SAC3D1: variants seen among roughly 807,000 people sequenced by gnomAD.
SAC3D1 encodes the protein SAC3 domain-containing protein 1.
A neutral mutation model predicts 12.7 loss-of-function variants in SAC3D1; 10 were observed. The ratio of observed to expected loss-of-function variants is 0.79; its 90% CI spans 0.49 to 1.34. SAC3D1 has a LOEUF of 1.34. Among genes scored for constraint, SAC3D1 ranks in the 40% most tolerant of loss-of-function variants. The probability of loss-of-function intolerance (pLI) is 0.00; values close to 1 mark genes in which losing one functional copy is unlikely to be tolerated. For missense variants in SAC3D1, 482 were observed against 531.1 expected (o/e 0.91, Z 0.91); for synonymous variants, 241 against 250.8 (o/e 0.96, Z 0.37).
In SAC3D1 at chr11:65,044,582, G is replaced by T; in HGVS notation, c.932G>T (p.Arg311Met). The T allele has an allele frequency of 1.9e-6, 3 of 1,614,160 alleles. No homozygotes were observed. The African/African-American group carries it at 4.0e-5, about 22-fold the overall frequency. ...GGAGAGGAGAGAGTTGTGTTCCTGA[G>T]GGGTCGCTACGTGGAGGAAGGGCTA... The part of the protein sequence containing the change: ...LDGEERVVFL[R>M]GRYVEEGLPP... Residue 311 changes from arginine (R) to methionine (M), a missense_variant, in exon 2 of 2, where the codon AGG becomes ATG. By Grantham distance (91) the Arg-to-Met change is moderately conservative. Transcript: ENST00000652489. This position sits in a 1 kb window ranked among gnomAD's most constrained non-coding sequence, Gnocchi z 4.0.
At position 65,041,371 on chromosome 11, in the gene SAC3D1, C is replaced by T. The variant is rs1204745161; in HGVS notation, c.79C>T (p.His27Tyr). Residue 27 changes from histidine to tyrosine, a missense_variant, in exon 1 of 2, where the codon CAC (histidine) becomes TAC (tyrosine). Physicochemically the swap from His to Tyr is moderately conservative, Grantham distance 83. Coordinates refer to ENST00000652489, the MANE Select transcript of SAC3D1 (RefSeq NM_013299.4). ...AAERAQRERE[H>Y]RLHRLEVVPG... is the part of the protein sequence containing the mutation. ...CGAGCGCGCCCAGCGCGAAAGGGAG[C>T]ACCGCCTGCACCGCTTGGAGGTGGT... The T allele has an allele frequency of 1.3e-6, 2 of 1,504,600 alleles. No homozygotes were observed. Among genetic ancestry groups the T allele is most frequent in the Non-Finnish European group, 1.8e-6 (2 of 1,133,726 alleles). The allele number at this position is 1,504,600 out of a possible 1,614,324, so 93.2% of individuals were successfully genotyped here. A position where few individuals can be genotyped will look rare whatever the true frequency, so the allele number is the denominator to read the frequency against.
At position 65,044,352 on chromosome 11, in the gene SAC3D1, G is replaced by C. The variant is rs760904929; in HGVS notation, c.702G>C (p.Leu234=). The C allele has an allele frequency of 3.1e-6, 5 of 1,613,332 alleles. No individual in the cohort carries two copies. The African/African-American group carries it at 6.7e-5, about 22-fold the overall frequency. ...GCAATGCTGCCCGCCTGTTCCGTCT[G>C]CTCCAGACCCTGCCCTACCTGCCAA... ...REGNAARLFR[L]LQTLPYLPSC... Residue 234 remains leucine, a synonymous_variant, in exon 2 of 2, where the codon CTG becomes CTC. Coordinates refer to ENST00000652489, the MANE Select transcript of SAC3D1 (RefSeq NM_013299.4). This position sits in a 1 kb window ranked among gnomAD's most constrained non-coding sequence, Gnocchi z 4.0.
At chr11:65,042,004 C>T (rs1455558970) in intron 1 of SAC3D1, 138 bp downstream of exon 1, 24 of 1,160,068 alleles carry the variant, frequency 2.1e-5, no homozygotes, top group Non-Finnish European at 2.6e-5. Flanking sequence ...CACCGAGCCC[C>T]GACGTGGGAC....
chr11:65,041,937 A>G, intron 1 of SAC3D1, 71 bp downstream of exon 1: 4 of 1,293,672 alleles, frequency 3.1e-6, no homozygotes, highest in Non-Finnish European at 3.9e-6. Context: ...AGGTAGGGAA[A>G]GGAAGGATTA....
Position 65,044,422 on chromosome 11 carries a change from C to G in SAC3D1, c.772C>G (p.Leu258Val). 1 of 1,613,826 alleles carries G rather than the reference C, an allele frequency of 6.2e-7. No homozygotes were observed. The highest frequency in any genetic ancestry group is 8.5e-7 in the Non-Finnish European group (1 of 1,180,040). Residue 258 changes from leucine (L) to valine (V), a missense_variant, in exon 2 of 2, where the codon CTG becomes GTG. Leu to Val is a conservative substitution (Grantham distance 32). This residue lies in a region of SAC3D1 where 225 missense variants were observed against 241.1 expected (regional missense o/e 0.93). Coordinates refer to ENST00000652489, the MANE Select transcript of SAC3D1 (RefSeq NM_013299.4). The surrounding 1 kb of genome is among the most constrained non-coding windows in gnomAD (Gnocchi z 4.0). ...TGTGGGCCATGCCCGCCGGGAAGCC[C>G]TGGCCCGCTTCGCTCGTGCCTTTAG... Reference protein sequence around the residue: ...CHVGHARREALARFARAFSTP... With the variant: ...CHVGHARREAVARFARAFSTP...
At position 65,041,712 on chromosome 11, in the gene SAC3D1, C is replaced by T. The variant is rs760135651; in HGVS notation, c.420C>T (p.Leu140=). The T allele has an allele frequency of 6.1e-6, 8 of 1,308,802 alleles. No homozygotes were observed. The highest frequency in any genetic ancestry group is 2.9e-4 in the Middle Eastern group (1 of 3,464). The allele number at this position is 1,308,802 out of a possible 1,614,324, so 81.1% of individuals were successfully genotyped here. Residue 140 remains leucine (L), a synonymous_variant, in exon 1 of 2, where the codon CTC becomes CTT. Coordinates refer to ENST00000652489, the MANE Select transcript of SAC3D1 (RefSeq NM_013299.4). Reference sequence around the variant, plus strand: ...CGCTGCTGACCGTAGTGGCGCGGCTCGGGCCCGACGCGGCGCGGGGACCCG... The same window carrying T: ...CGCTGCTGACCGTAGTGGCGCGGCTTGGGCCCGACGCGGCGCGGGGACCCG... ...LATLLTVVAR[L]GPDAARGPAD... is the part of the protein sequence containing the mutation.
Position 65,041,589 on chromosome 11 carries a change from C to A in SAC3D1, c.297C>A (p.Ser99Arg). Residue 99 changes from serine to arginine, a missense_variant, in exon 1 of 2, where the codon AGC becomes AGA. Around this residue, in one of 3 missense-constraint regions of SAC3D1, gnomAD observed 197 missense variants for 183.2 expected, o/e 1.08. Coordinates refer to ENST00000652489, the MANE Select transcript of SAC3D1 (RefSeq NM_013299.4). ...ACATCGCCCGCGCCGAGGTGGCCAG[C>A]TTCGTGGCAGACCGCTTGCGAGCTG... ...SADIARAEVA[S>R]FVADRLRAVL... The A allele has an allele frequency of 6.8e-7, 1 of 1,475,924 alleles. No individual in the cohort carries two copies. Among genetic ancestry groups the A allele is most frequent in the Non-Finnish European group, 8.9e-7 (1 of 1,119,108 alleles). 91.4% of individuals were successfully genotyped at this position (1,475,924 alleles called of 1,614,324 possible). A position where few individuals can be genotyped will look rare whatever the true frequency, so the allele number is the denominator to read the frequency against.
Position 65,044,225 on chromosome 11 carries a change from G to T in SAC3D1, c.575G>T (p.Gly192Val). ...TCATTCTGGCTTCCCGCTCTCACAGGCTCGGTGGAAGCCCTGCATGAGGTT... is the reference window on the plus strand; with the variant it reads ...TCATTCTGGCTTCCCGCTCTCACAGTCTCGGTGGAAGCCCTGCATGAGGTT... ...FQGLFLLYNL[G>V]SVEALHEVLQ... Residue 192 changes from glycine (G) to valine (V), a missense_variant and splice_region_variant, in exon 2 of 2, where the codon GGC (glycine) becomes GTC (valine). Physicochemically the swap from Gly to Val is moderately radical, Grantham distance 109 (BLOSUM62 -3). Coordinates refer to ENST00000652489, the MANE Select transcript of SAC3D1 (RefSeq NM_013299.4). This position sits in a 1 kb window ranked among gnomAD's most constrained non-coding sequence, Gnocchi z 4.0. The T allele has an allele frequency of 6.2e-7, 1 of 1,611,854 alleles. No individual in the cohort carries two copies. The highest frequency in any genetic ancestry group is 1.1e-5 in the South Asian group (1 of 90,982).
At position 65,041,436 on chromosome 11, in the gene SAC3D1, G is replaced by T; in HGVS notation, c.144G>T (p.Gln48His). The T allele has an allele frequency of 6.7e-7, 1 of 1,503,224 alleles. No individual in the cohort carries two copies. The highest frequency in any genetic ancestry group is 1.2e-5 in the South Asian group (1 of 80,616). The allele number at this position is 1,503,224 out of a possible 1,614,324, so 93.1% of individuals were successfully genotyped here. ...AGGACCCGCCCCGCGCGGATCCGCA[G>T]CGCGCGGTGAAGGAGTACAGCCGAC... ...CRQDPPRADP[Q>H]RAVKEYSRPA... The change falls in exon 1 of 2, where the codon CAG becomes CAT. Residue 48 changes from glutamine to histidine, a missense_variant. By Grantham distance (24) the Gln-to-His change is conservative. Coordinates refer to ENST00000652489, the MANE Select transcript of SAC3D1 (RefSeq NM_013299.4).
chr11:65,043,982 C>T (rs1034783147), intron 1 of SAC3D1, among the ~76,000 whole-genome samples: 1 of 152,194 alleles, frequency 6.6e-6, no homozygotes, highest in Non-Finnish European at 1.5e-5. Flanking sequence ...ATCCGTAAAC[C>T]CTGCCCACTT....
At chr11:65,042,296 C>A (rs1946623106) in intron 1 of SAC3D1, among the ~76,000 whole-genome samples, 2 of 152,040 alleles carry the variant, frequency 1.3e-5, no homozygotes, top group Non-Finnish European at 2.9e-5. Context: ...GGGGTTTCAC[C>A]ATGTTGGTCA....
intron 1 of SAC3D1, among the ~76,000 whole-genome samples, chr11:65,043,615 C>CAAAAAAAAAAAA (rs58109119): frequency 1.8e-5 from 1 of 56,184 alleles, no homozygotes; most frequent in Non-Finnish European, 3.2e-5. Context: ...AAGTCTGTCT[C>CAAAAAAAAAAAA]AAAAAAAAAA....
chr11:65,043,214 A>T, intron 1 of SAC3D1: 1 of 295,474 alleles, frequency 3.4e-6, no homozygotes, highest in Non-Finnish European at 6.9e-6. Flanking sequence ...CAGGGTGGTG[A>T]GGTGACTTGC....
Position 65,041,739 on chromosome 11 carries a change from G to T in SAC3D1, c.447G>T (p.Ala149=). ...GGCCCGACGCGGCGCGGGGACCCGC[G>T]GACCCGGTGCTGCTGCAGGCCCAGG... ...RLGPDAARGP[A]DPVLLQAQVQ... Residue 149 remains alanine, a synonymous_variant, in exon 1 of 2, where the codon GCG becomes GCT. Coordinates refer to ENST00000652489, the MANE Select transcript of SAC3D1 (RefSeq NM_013299.4). The T allele has an allele frequency of 6.1e-6, 8 of 1,310,626 alleles. No individual in the cohort carries two copies. The highest frequency in any genetic ancestry group is 7.7e-6 in the Non-Finnish European group (8 of 1,037,326). The allele number at this position is 1,310,626 out of a possible 1,614,324, so 81.2% of individuals were successfully genotyped here.
intron 1 of SAC3D1, chr11:65,043,051 G>A (rs547577995): frequency 1.1e-5 from 5 of 446,938 alleles, no homozygotes; most frequent in East Asian, 7.6e-5. Context: ...GTTGCCACTC[G>A]AATTCCTGGG....
In SAC3D1 at chr11:65,044,450, C is replaced by A. The variant is rs760282343; in HGVS notation, c.800C>A (p.Thr267Asn). Residue 267 changes from threonine to asparagine, a missense_variant, in exon 2 of 2, where the codon ACC (threonine) becomes AAC (asparagine). By Grantham distance (65) the Thr-to-Asn change is moderately conservative. This residue lies in a region of SAC3D1 where 225 missense variants were observed against 241.1 expected (regional missense o/e 0.93). Transcript: ENST00000652489. The surrounding 1 kb of genome is among the most constrained non-coding windows in gnomAD (Gnocchi z 4.0). ...ALARFARAFS[T>N]PKGQTLPLGF... Reference sequence around the variant, plus strand: ...GCCCGCTTCGCTCGTGCCTTTAGCACCCCCAAGGGCCAGACCTTGCCTCTG... The same window carrying A: ...GCCCGCTTCGCTCGTGCCTTTAGCAACCCCAAGGGCCAGACCTTGCCTCTG... The A allele has an allele frequency of 1.9e-6, 3 of 1,613,948 alleles. No homozygotes were observed. Among genetic ancestry groups the A allele is most frequent in the Non-Finnish European group, 2.5e-6 (3 of 1,180,032 alleles).
chr11:65,042,774 T>C (rs529397237), intron 1 of SAC3D1, among the ~76,000 whole-genome samples: 68 of 151,862 alleles, frequency 4.5e-4, no homozygotes, highest in African/African-American at 1.6e-3. Context: ...ACTCCTGACC[T>C]CAAAATGATA....
chr11:65,041,609 G>C lies in SAC3D1; in HGVS notation c.317G>C (p.Arg106Pro). The change falls in exon 1 of 2, where the codon CGA becomes CCA. Residue 106 changes from arginine to proline, a missense_variant. This residue lies in a region of SAC3D1 where 197 missense variants were observed against 183.2 expected (regional missense o/e 1.08). Coordinates refer to ENST00000652489, the MANE Select transcript of SAC3D1 (RefSeq NM_013299.4). ...GCCAGCTTCGTGGCAGACCGCTTGC[G>C]AGCTGTGCTCCTGGACCTGGCGCTG... ...EVASFVADRLRAVLLDLALQG... is the reference protein window; with the variant it reads ...EVASFVADRLPAVLLDLALQG... The C allele has an allele frequency of 6.8e-7, 1 of 1,471,484 alleles. No homozygotes were observed. Among genetic ancestry groups the C allele is most frequent in the Non-Finnish European group, 9.0e-7 (1 of 1,116,622 alleles). 91.2% of individuals were successfully genotyped at this position (1,471,484 alleles called of 1,614,324 possible).
In SAC3D1 at chr11:65,044,728, G is replaced by A. The variant is rs1212750443; in HGVS notation, c.*1G>A. The stretch of plus-strand genomic sequence containing the variant: ...GGACAGACCTGGGTCCCCAGCCTGA[G>A]GAGGGAGCGTGAGCCTCCCAGAGCC... On this transcript the variant is annotated 3_prime_UTR_variant, in exon 2 of 2. Transcript: ENST00000652489. This position sits in a 1 kb window ranked among gnomAD's most constrained non-coding sequence, Gnocchi z 4.0. 1.2e-6 allele frequency: 2 copies of A among 1,610,518 alleles called. No individual in the cohort carries two copies. Among genetic ancestry groups the A allele is most frequent in the African/African-American group, 1.3e-5 (1 of 74,908 alleles).
Sources: allele counts gnomAD v4.1 joint callset (sites outside exome capture counted in the v4.1 genomes callset), GRCh38; gene constraint gnomAD v4.1.1; regional missense constraint gnomAD v4.1.1; non-coding constraint Gnocchi (gnomAD v3.1); transcripts MANE v1.5; gene names NCBI Gene and HGNC (gene_info 2026-07-23, HGNC 2026-07-21).